Variants in PIP5K1B observed in about 807,000 individuals in gnomAD.
The protein encoded by PIP5K1B is phosphatidylinositol-4-phosphate 5-kinase type 1 beta, also known as phosphatidylinositol 4-phosphate 5-kinase type-1 beta.
Under a neutral mutation model 67.0 loss-of-function variants are expected in PIP5K1B, and 42 were observed. The observed-to-expected ratio is 0.63, with a 90% confidence interval of 0.49 to 0.81. The LOEUF (loss-of-function observed/expected upper bound fraction) is 0.81. Among genes scored for constraint, PIP5K1B ranks in the 30% least tolerant of loss-of-function variants. The probability of loss-of-function intolerance (pLI) is 0.00; values close to 1 mark genes in which losing one functional copy is unlikely to be tolerated. For missense variants in PIP5K1B, 459 were observed against 646.3 expected (o/e 0.71, Z 3.14); for synonymous variants, 214 against 231.4 (o/e 0.92, Z 0.68).
chr9:68,789,769 A>G (rs1831854744), intron 2 of PIP5K1B: 2 of 229,800 alleles, frequency 8.7e-6, no homozygotes, highest in African/African-American at 2.3e-5. Flanking sequence ...GACCAGGCTC[A>G]GTCTTCCTCT....
At chr9:68,924,602 TG>T (rs1826590128) in intron 12 of PIP5K1B, among the ~76,000 whole-genome samples, 1 of 152,026 alleles carries the variant, frequency 6.6e-6, no homozygotes, top group Non-Finnish European at 1.5e-5. Context: ...ATGTTGTATC[TG>T]TGGGAAGTTT....
At chr9:68,855,257 C>T (rs1238657103) in intron 4 of PIP5K1B, among the ~76,000 whole-genome samples, 2 of 152,200 alleles carry the variant, frequency 1.3e-5, no homozygotes, top group Admixed American at 6.5e-5. Flanking sequence ...ACTCCTACGT[C>T]TCCTCCAAAG....
intron 1 of PIP5K1B, among the ~76,000 whole-genome samples, chr9:68,709,099 T>C (rs1827261499): frequency 6.6e-6 from 1 of 152,218 alleles, no homozygotes; most frequent in Non-Finnish European, 1.5e-5. Context: ...TTTTGACTTT[T>C]AGAAATCATA....
chr9:68,711,224 G>C (rs1451695550), intron 1 of PIP5K1B, among the ~76,000 whole-genome samples: 3 of 152,194 alleles, frequency 2.0e-5, no homozygotes, highest in Non-Finnish European at 4.4e-5. Flanking sequence ...CAGTGGATTC[G>C]ACATGTTTCA....
At chr9:68,852,528 C>G (rs1244381041) in intron 4 of PIP5K1B, among the ~76,000 whole-genome samples, 2 of 152,268 alleles carry the variant, frequency 1.3e-5, no homozygotes, top group Non-Finnish European at 1.5e-5. Context: ...CTCAAACCTC[C>G]GTCCAGTCTT....
intron 2 of PIP5K1B, among the ~76,000 whole-genome samples, chr9:68,764,907 TAAAACTAATTTTA>T (rs1830358565): frequency 6.6e-6 from 1 of 152,018 alleles, no homozygotes; most frequent in African/African-American, 2.4e-5. Flanking sequence ...TTAAGCTAAA[TAAAACTAATTTTA>T]AAATAAAACT....
rs141237198 is a variant in PIP5K1B at position 68,917,445 on chromosome 9, A to G, written c.772-103A>G. The stretch of plus-strand genomic sequence containing the variant: ...TCTCAGCCACCCCGCTGGGAGGAAT[A>G]ACAGGAGCTGTGTGTCTGTATATCT... On this transcript the variant is annotated intron_variant, in intron 8 of 15. Transcript: ENST00000265382. The G allele has an allele frequency of 3.2e-4, 266 of 820,560 alleles. 2 individuals are homozygous for G. The African/African-American group carries it at 4.1e-3, about 13-fold the overall frequency. 50.8% of individuals were successfully genotyped at this position (820,560 alleles called of 1,614,324 possible). A position where few individuals can be genotyped will look rare whatever the true frequency, so the allele number is the denominator to read the frequency against.
intron 15 of PIP5K1B, among the ~76,000 whole-genome samples, chr9:69,004,134 T>A (rs141664303): frequency 5.9e-5 from 9 of 152,330 alleles, no homozygotes; most frequent in African/African-American, 2.2e-4. Context: ...AATACACCTT[T>A]CTCTTTCTTA....
intron 2 of PIP5K1B, among the ~76,000 whole-genome samples, chr9:68,811,378 T>A (rs1833154353): frequency 6.6e-6 from 1 of 152,196 alleles, no homozygotes; most frequent in East Asian, 1.9e-4. Context: ...TTTCTCAGGC[T>A]TCCTATGGGC....
chr9:68,734,611 G>A (rs1828634871), intron 1 of PIP5K1B, among the ~76,000 whole-genome samples: 1 of 152,172 alleles, frequency 6.6e-6, no homozygotes, highest in African/African-American at 2.4e-5. Flanking sequence ...TTCCTCTAAT[G>A]TGATGACTGC....
intron 1 of PIP5K1B, among the ~76,000 whole-genome samples, chr9:68,738,574 G>A (rs1828854291): frequency 6.6e-6 from 1 of 152,190 alleles, no homozygotes; most frequent in Admixed American, 6.5e-5. Flanking sequence ...TCTGAAAGCT[G>A]GAGATGACAA....
intron 7 of PIP5K1B, among the ~76,000 whole-genome samples, chr9:68,889,691 C>T (rs1361472668): frequency 1.3e-5 from 2 of 149,640 alleles, no homozygotes; most frequent in South Asian, 2.1e-4. Flanking sequence ...ATCGAGATCC[C>T]GCCACTGCAC....
chr9:68,864,080 T>C, intron 5 of PIP5K1B, 113 bp downstream of exon 5: 1 of 954,432 alleles, frequency 1.0e-6, no homozygotes, highest in Non-Finnish European at 1.6e-6. Flanking sequence ...GATGTGAATA[T>C]TGGGCCTTTG....
At chr9:68,748,717 G>A (rs1189763616) in intron 2 of PIP5K1B, among the ~76,000 whole-genome samples, 3 of 148,922 alleles carry the variant, frequency 2.0e-5, no homozygotes, top group African/African-American at 7.4e-5. Context: ...CGCCTCCCAG[G>A]TTCAAGCGAT....
chr9:68,803,693 C>CT (rs1832723196), intron 2 of PIP5K1B, among the ~76,000 whole-genome samples: 1 of 152,212 alleles, frequency 6.6e-6, no homozygotes, highest in South Asian at 2.1e-4. Context: ...GCTAGAATGT[C>CT]TAGGAATACA....
At chr9:68,962,623 A>T (rs1175455026) in intron 14 of PIP5K1B, among the ~76,000 whole-genome samples, 1 of 152,184 alleles carries the variant, frequency 6.6e-6, no homozygotes, top group East Asian at 1.9e-4. Flanking sequence ...GTCCATCTAG[A>T]CTGAATTTGG....
chr9:69,002,629 A>AAG (rs909845919), intron 15 of PIP5K1B, among the ~76,000 whole-genome samples: 7 of 152,018 alleles, frequency 4.6e-5, no homozygotes, highest in South Asian at 2.1e-4. Flanking sequence ...ATTTAAAAAA[A>AAG]AGAGAGAGAG....
chr9:68,990,415 G>T lies in PIP5K1B; in HGVS notation c.1503-725G>T, dbSNP rs111841743. Among the ~76,000 whole-genome samples the T allele has an allele frequency of 5.8e-3, 859 of 149,204 alleles. 7 individuals carry two copies. The highest frequency in any genetic ancestry group is 0.019 in the African/African-American group (778 of 40,998). On this transcript the variant is annotated intron_variant, in intron 14 of 15. Transcript: ENST00000265382. ...AAAAAGAAGAAAAAAAGAGTAAAAA[G>T]GGGAAAAAAAGAAAAATCATCAGTG... is the stretch of plus-strand genomic sequence containing the variant.
intron 14 of PIP5K1B, among the ~76,000 whole-genome samples, chr9:68,958,505 G>A (rs1253314638): frequency 2.6e-5 from 4 of 152,194 alleles, no homozygotes; most frequent in Non-Finnish European, 5.9e-5. Flanking sequence ...GGACAAGAGA[G>A]CGGTTTGTGC....
Sources: gnomAD v4.1 joint callset for allele counts (sites outside exome capture counted in the v4.1 genomes callset) on GRCh38, gnomAD v4.1.1 for gene constraint, MANE v1.5 for transcripts, NCBI Gene and HGNC (gene_info 2026-07-23, HGNC 2026-07-21) for gene names.